DYNC2H1: variants seen among roughly 807,000 people sequenced by gnomAD.
DYNC2H1 encodes cytoplasmic dynein 2 heavy chain 1.
Under a neutral mutation model 570.0 loss-of-function variants are expected in DYNC2H1, and 410 were observed. That is an observed-to-expected ratio of 0.72 (90% confidence interval 0.66 to 0.78). The LOEUF (loss-of-function observed/expected upper bound fraction) is 0.78, where lower values mean the gene tolerates loss of function less well. Among genes scored for constraint, DYNC2H1 ranks in the 30% least tolerant of loss-of-function variants. DYNC2H1 has a pLI of 0.00. For missense variants in DYNC2H1, 4,865 were observed against 5,046.4 expected (o/e 0.96, Z 1.09); for synonymous variants, 1,688 against 1,677.6 (o/e 1.01, Z -0.15).
At chr11:103,258,215 T>G (rs1309518357) in intron 69 of DYNC2H1, among the ~76,000 whole-genome samples, 1 of 152,220 alleles carries the variant, frequency 6.6e-6, no homozygotes, top group Non-Finnish European at 1.5e-5. Context: ...GATAACAAAT[T>G]GTTTTAACTA....
chr11:103,215,653 G>C, intron 54 of DYNC2H1, 68 bp from the exon 55 acceptor site: 3 of 1,328,100 alleles, frequency 2.3e-6, no homozygotes, highest in Non-Finnish European at 2.9e-6. Context: ...TTTTCTATAG[G>C]GCTTTATTTA....
chr11:103,223,223 T>C, intron 59 of DYNC2H1, 137 bp downstream of exon 59: 1 of 812,226 alleles, frequency 1.2e-6, no homozygotes, highest in Non-Finnish European at 1.7e-6. Flanking sequence ...AATGAGTCAA[T>C]TAAAGACAAA....
rs563718353 is a variant in DYNC2H1 at position 103,151,720 on chromosome 11, C to T, written c.2947-416C>T. 2.6e-5 allele frequency among the ~76,000 whole-genome samples: 4 copies of T among 152,054 alleles called. No individual in the cohort carries two copies. The highest frequency in any genetic ancestry group is 5.9e-5 in the Non-Finnish European group (4 of 68,002). On this transcript the variant is annotated intron_variant, in intron 20 of 88. Coordinates refer to ENST00000375735, the MANE Select transcript of DYNC2H1 (RefSeq NM_001377.3). This position sits in a 1 kb window ranked among gnomAD's most constrained non-coding sequence, Gnocchi z 4.6. ...TCATGACTTTCCTTCTCTATTAAGT[C>T]GGATAATTTAGTTAACTTATGCTCT...
Position 103,455,307 on chromosome 11 carries a change from GA to G in DYNC2H1, c.12566+15del. 1 of 1,605,948 alleles carries G rather than the reference GA, an allele frequency of 6.2e-7. No individual in the cohort carries two copies. The highest frequency in any genetic ancestry group is 1.1e-5 in the South Asian group (1 of 90,896). On this transcript the variant is annotated intron_variant, in intron 86 of 88. Transcript: ENST00000375735. The stretch of plus-strand genomic sequence containing the variant: ...CAGGAAACTGCAAGGTAATTAAAAT[GA>G]AATACTTTACCTATTTGTCCCTGAC...
At position 103,187,343 on chromosome 11, in the gene DYNC2H1, G is replaced by A. The variant is rs1480365252; in HGVS notation, c.6897G>A (p.Met2299Ile). The A allele has an allele frequency of 1.2e-6, 2 of 1,612,372 alleles. No homozygotes were observed. The highest frequency in any genetic ancestry group is 3.3e-5 in the Admixed American group (2 of 59,788). The stretch of plus-strand genomic sequence containing the variant: ...AGATGTCATGCATTTTTCGTAGGAT[G>A]CTGCTCAGGTACGCATTTTCACAAC... ...LVGPEGCGKG[M>I]LLRYAFSQLR... Residue 2299 changes from methionine to isoleucine, a missense_variant, in exon 43 of 89, where the codon ATG becomes ATA. Around this residue, in one of 5 missense-constraint regions of DYNC2H1, gnomAD observed 2,401 missense variants for 2,454.6 expected, o/e 0.98. Coordinates refer to ENST00000375735, the MANE Select transcript of DYNC2H1 (RefSeq NM_001377.3).
intron 82 of DYNC2H1, among the ~76,000 whole-genome samples, chr11:103,342,262 C>T (rs924531105): frequency 9.2e-5 from 14 of 152,052 alleles, no homozygotes; most frequent in African/African-American, 3.4e-4. Flanking sequence ...CAATCAGCAC[C>T]CTGTAAAATG....
rs1052613866 is a variant in DYNC2H1 at position 103,305,780 on chromosome 11, G to C, written c.11382+1060G>C. On this transcript the variant is annotated intron_variant, in intron 77 of 88. Transcript: ENST00000375735. The surrounding 1 kb of genome is among the most constrained non-coding windows in gnomAD (Gnocchi z 4.3). Reference sequence around the variant, plus strand: ...GAGTTGATGGACCATGGTGATTCGTGATTCATTACTTGTAATCAAGAGAAG... The same window carrying C: ...GAGTTGATGGACCATGGTGATTCGTCATTCATTACTTGTAATCAAGAGAAG... Among the ~76,000 whole-genome samples, 1 of 152,034 alleles carries C rather than the reference G, an allele frequency of 6.6e-6. No individual in the cohort carries two copies. The highest frequency in any genetic ancestry group is 2.4e-5 in the African/African-American group (1 of 41,400).
chr11:103,282,884 A>G lies in DYNC2H1; in HGVS notation c.10813-124A>G, dbSNP rs1866196120. ...CCATGGTGACTTGTAAAATACATAAAAATATAAAGAAATAATGCATAGAAT... is the reference window on the plus strand; with the variant it reads ...CCATGGTGACTTGTAAAATACATAAGAATATAAAGAAATAATGCATAGAAT... On this transcript the variant is annotated intron_variant, in intron 72 of 88. Coordinates refer to ENST00000375735, the MANE Select transcript of DYNC2H1 (RefSeq NM_001377.3). The G allele has an allele frequency of 5.8e-6, 4 of 685,328 alleles. No homozygotes were observed. The East Asian group carries it at 1.2e-4, about 20-fold the overall frequency. 42.5% of individuals were successfully genotyped at this position (685,328 alleles called of 1,614,324 possible). A position where few individuals can be genotyped will look rare whatever the true frequency, so the allele number is the denominator to read the frequency against.
At position 103,185,687 on chromosome 11, in the gene DYNC2H1, G is replaced by T. The variant is rs1300084860; in HGVS notation, c.6634-555G>T. On this transcript the variant is annotated intron_variant, in intron 41 of 88. Coordinates refer to ENST00000375735, the MANE Select transcript of DYNC2H1 (RefSeq NM_001377.3). This position sits in a 1 kb window ranked among gnomAD's most constrained non-coding sequence, Gnocchi z 4.5. ...TTTCCATGGCTGTCCTGTTGCCTCTGTTGCCAGATGCTTCTCATTGTTACC... is the reference window on the plus strand; with the variant it reads ...TTTCCATGGCTGTCCTGTTGCCTCTTTTGCCAGATGCTTCTCATTGTTACC... 6.6e-6 allele frequency among the ~76,000 whole-genome samples: 1 copy of T among 151,676 alleles called. No individual in the cohort carries two copies. The highest frequency in any genetic ancestry group is 2.4e-5 in the African/African-American group (1 of 41,298).
chr11:103,287,143 A>AT (rs11329846), intron 74 of DYNC2H1, among the ~76,000 whole-genome samples: 13 of 149,872 alleles, frequency 8.7e-5, no homozygotes, highest in East Asian at 3.9e-4. Context: ...TGCTATTTCT[A>AT]TTTTTTTTTT....
rs1291546936 is a variant in DYNC2H1, at chr11:103,399,952, C to T, written c.12366+80C>T. ...CATCACACATATATTTGTCAGGAATCATATAGTTAATAGCAGAAGACCCGA... is the reference window on the plus strand; with the variant it reads ...CATCACACATATATTTGTCAGGAATTATATAGTTAATAGCAGAAGACCCGA... On this transcript the variant is annotated intron_variant, in intron 84 of 88. Transcript: ENST00000375735. 6.5e-6 allele frequency: 8 copies of T among 1,232,540 alleles called. No individual in the cohort carries two copies. The East Asian group carries it at 7.2e-5, about 11-fold the overall frequency. The allele number at this position is 1,232,540 out of a possible 1,614,324, so 76.4% of individuals were successfully genotyped here. A position where few individuals can be genotyped will look rare whatever the true frequency, so the allele number is the denominator to read the frequency against.
At chr11:103,407,236 A>G (rs1473353035) in intron 84 of DYNC2H1, 1 of 151,884 alleles carries the variant, frequency 6.6e-6, no homozygotes, top group African/African-American at 2.4e-5. Context: ...GGGCTGGTGG[A>G]TTAATTAGTA....
At chr11:103,452,770 G>A (rs1166998661) in intron 85 of DYNC2H1, among the ~76,000 whole-genome samples, 2 of 149,808 alleles carry the variant, frequency 1.3e-5, no homozygotes, top group Non-Finnish European at 3.0e-5. Flanking sequence ...ATTTTTCACA[G>A]TTATTTTTGT....
intron 59 of DYNC2H1, among the ~76,000 whole-genome samples, chr11:103,224,212 C>T (rs541238752): frequency 6.6e-6 from 1 of 151,386 alleles, no homozygotes; most frequent in Non-Finnish European, 1.5e-5. Flanking sequence ...TATATTTTAT[C>T]TCTTTTGTTC....
chr11:103,302,228 T>G (rs1867079049), intron 75 of DYNC2H1, among the ~76,000 whole-genome samples: 1 of 152,074 alleles, frequency 6.6e-6, no homozygotes, highest in South Asian at 2.1e-4. Context: ...ATAATCAATT[T>G]CTTTGAGTAT....
intron 85 of DYNC2H1, among the ~76,000 whole-genome samples, chr11:103,441,488 A>C (rs671059): frequency 6.6e-6 from 1 of 151,778 alleles, no homozygotes; most frequent in Non-Finnish European, 1.5e-5. Flanking sequence ...CACTAAAAAG[A>C]AAGCTTCATA....
At chr11:103,116,410 A>G (rs896507870) in intron 4 of DYNC2H1, among the ~76,000 whole-genome samples, 160 bp from the exon 5 acceptor site, 1 of 152,118 alleles carries the variant, frequency 6.6e-6, no homozygotes, top group East Asian at 1.9e-4. Flanking sequence ...ATTATAGGGT[A>G]TTTGCATATG....
chr11:103,158,145 G>A (rs1265927391), intron 26 of DYNC2H1, among the ~76,000 whole-genome samples: 3 of 152,108 alleles, frequency 2.0e-5, no homozygotes, highest in Non-Finnish European at 4.4e-5. Context: ...TATGAGGTAG[G>A]GCTTAAAATT....
chr11:103,359,232 A>G (rs986502850), intron 83 of DYNC2H1, among the ~76,000 whole-genome samples: 3 of 152,202 alleles, frequency 2.0e-5, no homozygotes, highest in African/African-American at 7.2e-5. Context: ...AAATCCGTTG[A>G]TGTGATTTTG....
Sources: allele counts gnomAD v4.1 joint callset (sites outside exome capture counted in the v4.1 genomes callset), GRCh38; gene constraint gnomAD v4.1.1; regional missense constraint gnomAD v4.1.1; non-coding constraint Gnocchi (gnomAD v3.1); transcripts MANE v1.5; gene names NCBI Gene and HGNC (gene_info 2026-07-23, HGNC 2026-07-21).